ADAM29: variants seen among roughly 807,000 people sequenced by gnomAD.
ADAM29 encodes disintegrin and metalloproteinase domain-containing protein 29.
For missense variants in ADAM29, 969 were observed against 1,001.8 expected (o/e 0.97, Z 0.44); for synonymous variants, 367 against 342.3 (o/e 1.07, Z -0.80).
At chr4:174,944,447 TC>T (rs1655401376) in intron 4 of ADAM29, among the ~76,000 whole-genome samples, 5 of 152,226 alleles carry the variant, frequency 3.3e-5, no homozygotes, top group African/African-American at 1.2e-4. Flanking sequence ...ATTATATTTT[TC>T]TCTTTGTTTT....
At chr4:174,960,420 C>G (rs1745743985) in intron 4 of ADAM29, among the ~76,000 whole-genome samples, 1 of 151,976 alleles carries the variant, frequency 6.6e-6, no homozygotes, top group African/African-American at 2.4e-5. Flanking sequence ...AAAGTATATT[C>G]ACTGTATAAT....
At chr4:174,969,939 C>T (rs1199995066) in intron 4 of ADAM29, among the ~76,000 whole-genome samples, 1 of 151,984 alleles carries the variant, frequency 6.6e-6, no homozygotes, top group African/African-American at 2.4e-5. Context: ...GACCATATTG[C>T]CACATTTTCT....
At chr4:174,919,909 T>C (rs986645010) in intron 1 of ADAM29, among the ~76,000 whole-genome samples, 23 of 152,174 alleles carry the variant, frequency 1.5e-4, no homozygotes, top group African/African-American at 5.5e-4. Context: ...ATCTGGGCAT[T>C]TTAGGAGTCA....
Position 174,975,534 on chromosome 4 carries a change from G to A in ADAM29, c.9G>A (p.Met3Ile), listed in dbSNP as rs1746711291. 9 of 1,507,094 alleles carry A rather than the reference G, an allele frequency of 6.0e-6. No homozygotes were observed. Among genetic ancestry groups the A allele is most frequent in the Non-Finnish European group, 5.3e-6 (6 of 1,127,904 alleles). 93.4% of individuals were successfully genotyped at this position (1,507,094 alleles called of 1,614,324 possible). MKMLLLLHCLGVF... is the reference protein window; with the variant it reads MKILLLLHCLGVF... ...TTGAAGCCTTTTTGAACATGAAGAT[G>A]TTACTCCTGCTGCATTGCCTTGGGG... Residue 3 changes from methionine to isoleucine, a missense_variant, in exon 5 of 5, where the codon ATG becomes ATA. Physicochemically the swap from Met to Ile is conservative, Grantham distance 10 (BLOSUM62 1). Transcript: ENST00000359240.
At chr4:174,928,318 GTCTTGACCGCA>G (rs1274391829) in intron 2 of ADAM29, among the ~76,000 whole-genome samples, 2 of 152,024 alleles carry the variant, frequency 1.3e-5, no homozygotes, top group Non-Finnish European at 2.9e-5. Flanking sequence ...GTGTGCAGGT[GTCTTGACCGCA>G]TCCTGGAGAT....
At chr4:174,918,989 T>C (rs1271322701) in intron 1 of ADAM29, 1 of 152,180 alleles carries the variant, frequency 6.6e-6, no homozygotes, top group African/African-American at 2.4e-5. Context: ...TAACGTACAC[T>C]GGTAATTATG....
chr4:174,969,269 CATT>C (rs1467867708), intron 4 of ADAM29, among the ~76,000 whole-genome samples: 1 of 151,420 alleles, frequency 6.6e-6, no homozygotes, highest in African/African-American at 2.4e-5. Flanking sequence ...TCACCATCAT[CATT>C]GTCTTCTTTA....
In ADAM29 at chr4:174,977,117, T is replaced by G. The variant is rs1730864767; in HGVS notation, c.1592T>G (p.Val531Gly). 6.2e-7 allele frequency: 1 copy of G among 1,613,986 alleles called. No individual in the cohort carries two copies. Among genetic ancestry groups the G allele is most frequent in the African/African-American group, 1.3e-5 (1 of 74,948 alleles). ...YKELNTLGDR[V>G]GHCGIKNATY... ...GAATTGAACACCTTAGGTGACCGTG[T>G]TGGTCACTGTGGTATCAAAAATGCT... Residue 531 changes from valine to glycine, a missense_variant, in exon 5 of 5, where the codon GTT (valine) becomes GGT (glycine). Coordinates refer to ENST00000359240, the MANE Select transcript of ADAM29 (RefSeq NM_014269.4).
intron 4 of ADAM29, among the ~76,000 whole-genome samples, chr4:174,958,845 T>C (rs1745650977): frequency 6.6e-6 from 1 of 151,852 alleles, no homozygotes; most frequent in African/African-American, 2.4e-5. Context: ...ATAAAGTTAG[T>C]TCAGCTTCAA....
chr4:174,970,102 A>G (rs1746388761), intron 4 of ADAM29, among the ~76,000 whole-genome samples: 1 of 152,184 alleles, frequency 6.6e-6, no homozygotes, highest in African/African-American at 2.4e-5. Flanking sequence ...TCCTGGAAGA[A>G]AAATTCACAG....
At chr4:174,972,756 G>A (rs565544874) in intron 4 of ADAM29, among the ~76,000 whole-genome samples, 2 of 152,256 alleles carry the variant, frequency 1.3e-5, no homozygotes, top group African/African-American at 4.8e-5. Context: ...TCTAAGACTG[G>A]TCAGTAAGAT....
chr4:174,949,582 C>A (rs1419174219), intron 4 of ADAM29, among the ~76,000 whole-genome samples: 1 of 151,958 alleles, frequency 6.6e-6, no homozygotes, highest in Non-Finnish European at 1.5e-5. Context: ...AGCTTTCTCC[C>A]CATTCAGCCC....
chr4:174,934,666 C>T (rs963938409), intron 3 of ADAM29, among the ~76,000 whole-genome samples: 6 of 152,114 alleles, frequency 3.9e-5, no homozygotes, highest in South Asian at 2.1e-4. Context: ...CATATCAGAG[C>T]TTCATCCCCA....
chr4:174,919,480 C>T (rs1560854321), intron 1 of ADAM29, among the ~76,000 whole-genome samples: 1 of 152,106 alleles, frequency 6.6e-6, no homozygotes, highest in Non-Finnish European at 1.5e-5. Context: ...TAACTAGGTC[C>T]TTTGTTCAGG....
chr4:174,928,979 G>A (rs1743687257), intron 2 of ADAM29, among the ~76,000 whole-genome samples: 1 of 152,194 alleles, frequency 6.6e-6, no homozygotes, highest in Non-Finnish European at 1.5e-5. Context: ...AGAAAAGAGA[G>A]ATCAAGGGCC....
intron 4 of ADAM29, among the ~76,000 whole-genome samples, chr4:174,960,932 G>A (rs1018728785): frequency 6.6e-6 from 1 of 152,158 alleles, no homozygotes; most frequent in Non-Finnish European, 1.5e-5. Context: ...GAGTCAGTGT[G>A]ATAAGAACTG....
chr4:174,947,044 A>G (rs1301859528), intron 4 of ADAM29, among the ~76,000 whole-genome samples: 1 of 151,902 alleles, frequency 6.6e-6, no homozygotes. Context: ...GATGTTTTTA[A>G]TAGTCTCTGA....
rs573365987 is a variant in ADAM29, at chr4:174,921,888, T to G, written c.-451+1096T>G. On this transcript the variant is annotated intron_variant, in intron 2 of 4. Coordinates refer to ENST00000359240, the MANE Select transcript of ADAM29 (RefSeq NM_014269.4). Reference sequence around the variant, plus strand: ...GGTAAATTTTCAAATGACTTTTATTTTCGTATGTAGTTCAAAATGTGGAAT... The same window carrying G: ...GGTAAATTTTCAAATGACTTTTATTGTCGTATGTAGTTCAAAATGTGGAAT... Among the ~76,000 whole-genome samples the G allele has an allele frequency of 8.5e-5, 13 of 152,274 alleles. No homozygotes were observed. The South Asian group carries it at 2.1e-3, about 24-fold the overall frequency.
chr4:174,951,202 C>A (rs4235214), intron 4 of ADAM29, among the ~76,000 whole-genome samples: 64,736 of 151,940 alleles, frequency 0.43, 14,490 homozygotes, highest in African/African-American at 0.56. Flanking sequence ...ATCCACTGGC[C>A]AATGTCTCCA....
Sources: gnomAD v4.1 joint callset for allele counts (sites outside exome capture counted in the v4.1 genomes callset) on GRCh38, gnomAD v4.1.1 for gene constraint, MANE v1.5 for transcripts, NCBI Gene and HGNC (gene_info 2026-07-23, HGNC 2026-07-21) for gene names.